LTBP2: variants seen among roughly 807,000 people sequenced by gnomAD.
The protein encoded by LTBP2 is latent transforming growth factor beta binding protein 2.
Under a neutral mutation model 210.6 loss-of-function variants are expected in LTBP2, and 103 were observed. The ratio of observed to expected loss-of-function variants is 0.49; its 90% CI spans 0.42 to 0.58. LTBP2 has a LOEUF of 0.58. LTBP2 is among the 20% of genes least tolerant of loss of function. LTBP2 has a pLI of 0.00. For missense variants in LTBP2, 2,313 were observed against 2,494.5 expected (o/e 0.93, Z 1.55); for synonymous variants, 1,007 against 1,015.0 (o/e 0.99, Z 0.15).
rs2088480734 is a variant in LTBP2, at chr14:74,603,662, C to A, written c.538G>T (p.Ala180Ser). Reference protein sequence around the residue: ...GGQCCPGWTTANSTNHCIKPV... With the variant: ...GGQCCPGWTTSNSTNHCIKPV... The stretch of plus-strand genomic sequence containing the variant: ...TTGATACAGTGGTTGGTGCTGTTTG[C>A]TGTTGTCCATCCTGGGCAGCACTGT... The change falls in exon 2 of 36, where the codon GCA becomes TCA. Residue 180 changes from alanine to serine, a missense_variant. This residue lies in a region of LTBP2 where 1,867 missense variants were observed against 1,976.9 expected (regional missense o/e 0.94). Transcript: ENST00000261978. 6.2e-7 allele frequency: 1 copy of A among 1,614,186 alleles called. No homozygotes were observed. The highest frequency in any genetic ancestry group is 8.5e-7 in the Non-Finnish European group (1 of 1,180,038).
intron 2 of LTBP2, among the ~76,000 whole-genome samples, chr14:74,589,340 T>C (rs956220048): frequency 6.6e-6 from 1 of 151,982 alleles, no homozygotes; most frequent in Non-Finnish European, 1.5e-5. Flanking sequence ...GAAGGCTTCT[T>C]GGAGGAGGTG....
chr14:74,508,465 G>A lies in LTBP2; in HGVS notation c.3652+139C>T, dbSNP rs2087020582. ...TTCTCCTCCCTGGGCAGGGCCGTGA[G>A]CACTTGCTCTCAGTACTGGTATTAA... On this transcript the variant is annotated intron_variant, in intron 24 of 35. Transcript: ENST00000261978. The A allele has an allele frequency of 1.0e-5, 15 of 1,474,056 alleles. No homozygotes were observed. In the South Asian group the frequency reaches 1.7e-4, roughly 17 times the overall value. The allele number at this position is 1,474,056 out of a possible 1,614,324, so 91.3% of individuals were successfully genotyped here.
At chr14:74,555,995 G>A (rs149643221) in intron 3 of LTBP2, among the ~76,000 whole-genome samples, 15 of 152,270 alleles carry the variant, frequency 9.9e-5, no homozygotes, top group South Asian at 2.1e-4. Context: ...GCAAAATGGG[G>A]GTGTTAGACG....
Position 74,522,855 on chromosome 14 carries a change from G to C in LTBP2, c.2594C>G (p.Pro865Arg). The change falls in exon 16 of 36, where the codon CCC becomes CGC. Residue 865 changes from proline to arginine, a missense_variant. Coordinates refer to ENST00000261978, the MANE Select transcript of LTBP2 (RefSeq NM_000428.3). ...GCTGCAGACACATCTGTATCCATCG[G>C]GGAGGTTCACGCAGGTTCCAGGGCC... ...VCGPGTCVNL[P>R]DGYRCVCSPG... is the part of the protein sequence containing the mutation. The C allele has an allele frequency of 6.2e-7, 1 of 1,612,956 alleles. No homozygotes were observed. The highest frequency in any genetic ancestry group is 8.5e-7 in the Non-Finnish European group (1 of 1,179,706).
intron 1 of LTBP2, among the ~76,000 whole-genome samples, chr14:74,606,326 G>C (rs1388577101): frequency 6.6e-6 from 1 of 152,232 alleles, no homozygotes; most frequent in Non-Finnish European, 1.5e-5. Context: ...TTCCTGTGCA[G>C]TCTAATTGTC....
At chr14:74,537,749 C>G (rs1320967011) in intron 8 of LTBP2, among the ~76,000 whole-genome samples, 1 of 151,680 alleles carries the variant, frequency 6.6e-6, no homozygotes, top group Non-Finnish European at 1.5e-5. Context: ...ATATTTTCTT[C>G]TTCTTCTTCT....
chr14:74,552,825 G>A, intron 5 of LTBP2, 67 bp downstream of exon 5: 1 of 1,556,322 alleles, frequency 6.4e-7, no homozygotes, highest in East Asian at 2.4e-5. Flanking sequence ...TCCAAGGCAG[G>A]CCTGGCTCTC....
chr14:74,508,621 C>T lies in LTBP2; in HGVS notation c.3635G>A (p.Gly1212Glu). ...LCAPGFVSAE[G>E]GTSCQDVDEC... ...CTTCTCACCCTGGCAGCTGGTGCCC[C>T]CCTCTGCGCTGACGAAGCCAGGCGC... The change falls in exon 24 of 36, where the codon GGG becomes GAG. Residue 1212 changes from glycine to glutamate, a missense_variant. Transcript: ENST00000261978. 1 of 1,609,562 alleles carries T rather than the reference C, an allele frequency of 6.2e-7. No individual in the cohort carries two copies. The highest frequency in any genetic ancestry group is 8.5e-7 in the Non-Finnish European group (1 of 1,179,852).
intron 34 of LTBP2, 131 bp downstream of exon 34, chr14:74,502,522 G>A: frequency 7.8e-7 from 1 of 1,277,162 alleles, no homozygotes; most frequent in South Asian, 1.2e-5. Context: ...CCGTGAACGG[G>A]GACCTCTGGC....
chr14:74,520,989 C>T (rs566311161), intron 17 of LTBP2, among the ~76,000 whole-genome samples: 9 of 152,374 alleles, frequency 5.9e-5, no homozygotes, highest in African/African-American at 1.4e-4. Context: ...GTGGTGCCAA[C>T]GCATGAGAGC....
intron 19 of LTBP2, among the ~76,000 whole-genome samples, chr14:74,511,033 A>G (rs1236160803): frequency 6.6e-6 from 1 of 152,234 alleles, no homozygotes; most frequent in Admixed American, 6.5e-5. Context: ...GAATATGGCC[A>G]AAGAGGAGAA....
chr14:74,506,889 G>GCGCA (rs2086999248), intron 26 of LTBP2, 66 bp from the exon 27 acceptor site: 2 of 1,282,510 alleles, frequency 1.6e-6, no homozygotes, highest in African/African-American at 1.5e-5. Flanking sequence ...GCGCGCGCGC[G>GCGCA]TGTGTGCTCA....
At chr14:74,560,690 T>C (rs913580959) in intron 3 of LTBP2, among the ~76,000 whole-genome samples, 1 of 152,352 alleles carries the variant, frequency 6.6e-6, no homozygotes, top group African/African-American at 2.4e-5. Context: ...CCATGGGTTC[T>C]GCCTCTGCAG....
chr14:74,593,762 C>T (rs1028418108), intron 2 of LTBP2, among the ~76,000 whole-genome samples: 1 of 152,062 alleles, frequency 6.6e-6, no homozygotes, highest in Non-Finnish European at 1.5e-5. Flanking sequence ...TTCCACTGGC[C>T]AGCACAGCAA....
At chr14:74,596,251 AAATAAATAAATAAAAATT>A (rs1433870429) in intron 2 of LTBP2, among the ~76,000 whole-genome samples, 8 of 150,316 alleles carry the variant, frequency 5.3e-5, no homozygotes, top group Non-Finnish European at 1.2e-4. Context: ...ATAAATAAAT[AAATAAATAAATAAAAATT>A]AAAAACAAAG....
Position 74,611,962 on chromosome 14 carries a change from G to A in LTBP2, c.-18C>T. The A allele has an allele frequency of 6.4e-7, 1 of 1,553,550 alleles. No individual in the cohort carries two copies. Among genetic ancestry groups the A allele is most frequent in the Non-Finnish European group, 8.6e-7 (1 of 1,156,718 alleles). ...GGCCTCATGGCGCGGGGCGGCTGGA[G>A]AGTGGTGCGCGCGGGCACCGCGAAG... On this transcript the variant is annotated 5_prime_UTR_variant, in exon 1 of 36. Coordinates refer to ENST00000261978, the MANE Select transcript of LTBP2 (RefSeq NM_000428.3).
intron 8 of LTBP2, among the ~76,000 whole-genome samples, chr14:74,544,119 C>T (rs1029817759): frequency 6.6e-6 from 1 of 152,244 alleles, no homozygotes; most frequent in African/African-American, 2.4e-5. Context: ...CAGAACATCT[C>T]TGAGCCAAAG....
intron 3 of LTBP2, among the ~76,000 whole-genome samples, chr14:74,576,805 G>A (rs2088064217): frequency 2.6e-5 from 4 of 151,964 alleles, no homozygotes; most frequent in Admixed American, 2.6e-4. Flanking sequence ...CCTAAAAGTG[G>A]CTTCTGTACA....
rs2139710022 is a variant in LTBP2, at chr14:74,522,019, C to T, written c.2680G>A (p.Asp894Asn). ...YCTDDNECLRDPCKGKGRCIN... is the reference protein window; with the variant it reads ...YCTDDNECLRNPCKGKGRCIN... ...CAGCGCCCTTTTCCCTTGCAGGGGT[C>T]CCTCAGACACTCGTTGTCATCTGAC... Residue 894 changes from aspartate to asparagine, a missense_variant, in exon 17 of 36, where the codon GAC becomes AAC. Asp to Asn is a conservative substitution (Grantham distance 23). Coordinates refer to ENST00000261978, the MANE Select transcript of LTBP2 (RefSeq NM_000428.3). 6.2e-7 allele frequency: 1 copy of T among 1,613,400 alleles called. No individual in the cohort carries two copies. The highest frequency in any genetic ancestry group is 8.5e-7 in the Non-Finnish European group (1 of 1,179,658).
Sources: gnomAD v4.1 joint callset for allele counts (sites outside exome capture counted in the v4.1 genomes callset) on GRCh38, gnomAD v4.1.1 for gene constraint, gnomAD v4.1.1 regional missense constraint, MANE v1.5 for transcripts, NCBI Gene and HGNC (gene_info 2026-07-23, HGNC 2026-07-21) for gene names.